STN1: variants seen among roughly 807,000 people sequenced by gnomAD.
STN1 encodes CST complex subunit STN1.
A neutral mutation model predicts 45.5 loss-of-function variants in STN1; 29 were observed. That is an observed-to-expected ratio of 0.64 (90% CI 0.47 to 0.87). The LOEUF is 0.87. Ranked by LOEUF, STN1 falls within the 40% of genes least tolerant of loss-of-function variation. The pLI is 0.00. For synonymous variants in STN1, 148 were observed against 159.0 expected, an observed-to-expected ratio of 0.93 and a Z score of 0.52; for missense variants, 376 against 441.4, an observed-to-expected ratio of 0.85 and a Z score of 1.33.
At chr10:103,893,205 G>C (rs779122089) in intron 7 of STN1, among the ~76,000 whole-genome samples, 4 of 151,638 alleles carry the variant, frequency 2.6e-5, no homozygotes, top group Non-Finnish European at 5.9e-5. Flanking sequence ...CAGAGTCTCT[G>C]TCGCCCAGGC....
chr10:103,897,829 T>C lies in STN1; in HGVS notation c.582-110A>G, dbSNP rs1324238395. The C allele has an allele frequency of 1.5e-5, 16 of 1,038,142 alleles. No homozygotes were observed. The East Asian group carries it at 2.7e-4, about 17-fold the overall frequency. 64.3% of individuals were successfully genotyped at this position (1,038,142 alleles called of 1,614,324 possible). A position where few individuals can be genotyped will look rare whatever the true frequency, so the allele number is the denominator to read the frequency against. On this transcript the variant is annotated intron_variant, in intron 6 of 9. Coordinates refer to ENST00000224950, the MANE Select transcript of STN1 (RefSeq NM_024928.5). ...GAAAATGCAACACTATATTGGAGTT[T>C]GTTTTTCATATACAGAGTAATATAT...
At position 103,910,565 on chromosome 10, in the gene STN1, A is replaced by G. The variant is rs752738158; in HGVS notation, c.191T>C (p.Ile64Thr). 3 of 1,611,378 alleles carry G rather than the reference A, an allele frequency of 1.9e-6. No homozygotes were observed. The highest frequency in any genetic ancestry group is 2.2e-5 in the East Asian group (1 of 44,864). The change falls in exon 3 of 10, where the codon ATT (isoleucine) becomes ACT (threonine). Residue 64 changes from isoleucine (I) to threonine (T), a missense_variant. Transcript: ENST00000224950. ...GAAAGCATCTCTTTCTCTCACTCCA[A>G]TGACAGTTCCCAAGACATCTACCTG... ...IKQVDVLGTV[I>T]GVRERDAFYS... is the part of the protein sequence containing the mutation.
At chr10:103,895,359 G>A (rs117658824) in intron 7 of STN1, among the ~76,000 whole-genome samples, 22 of 152,224 alleles carry the variant, frequency 1.4e-4, no homozygotes, top group Non-Finnish European at 2.6e-4. Flanking sequence ...TAGCTATCAC[G>A]GAAGAGCTGG....
chr10:103,883,704 G>C (rs1193796113), intron 9 of STN1, among the ~76,000 whole-genome samples: 1 of 118,554 alleles, frequency 8.4e-6, no homozygotes, highest in Non-Finnish European at 2.0e-5. Flanking sequence ...TGTATAGCCA[G>C]TCACCAATCA....
chr10:103,894,120 T>C (rs1271194830), intron 7 of STN1, among the ~76,000 whole-genome samples: 1 of 152,190 alleles, frequency 6.6e-6, no homozygotes, highest in East Asian at 1.9e-4. Context: ...GGATGCACCA[T>C]CAGTGCAACA....
rs1843066972 is a variant in STN1 at position 103,881,265 on chromosome 10, C to T, written c.*1419G>A. On this transcript the variant is annotated 3_prime_UTR_variant, in exon 10 of 10. Transcript: ENST00000224950. The stretch of plus-strand genomic sequence containing the variant: ...AGATAAACCCCTAAGAGCAGAGTTG[C>T]TATAGGCAAGGGTATGCCCTTTTTA... Among the ~76,000 whole-genome samples, 1 of 152,212 alleles carries T rather than the reference C, an allele frequency of 6.6e-6. No homozygotes were observed. Among genetic ancestry groups the T allele is most frequent in the Admixed American group, 6.5e-5 (1 of 15,278 alleles).
At chr10:103,899,090 C>G in intron 5 of STN1, 90 bp from the exon 6 acceptor site, 1 of 1,443,276 alleles carries the variant, frequency 6.9e-7, no homozygotes, top group East Asian at 2.4e-5. Flanking sequence ...GCTAAGACAA[C>G]AGTAAATGAG....
At chr10:103,892,332 G>T in intron 7 of STN1, 80 bp from the exon 8 acceptor site, 1 of 1,342,256 alleles carries the variant, frequency 7.5e-7, no homozygotes, top group South Asian at 1.5e-5. Context: ...AGACCAACTG[G>T]TTCATGAATT....
At chr10:103,914,366 ATATATATATT>A (rs1401991195) in intron 2 of STN1, among the ~76,000 whole-genome samples, 38 of 10,350 alleles carry the variant, frequency 3.7e-3, no homozygotes, top group East Asian at 5.6e-3. Flanking sequence ...ATATATATAT[ATATATATATT>A]TTTTTTTTTT....
At chr10:103,892,531 C>A (rs894420567) in intron 7 of STN1, among the ~76,000 whole-genome samples, 1 of 151,906 alleles carries the variant, frequency 6.6e-6, no homozygotes, top group African/African-American at 2.4e-5. Flanking sequence ...AAAAAAGCTA[C>A]CCTCACTGTT....
intron 8 of STN1, among the ~76,000 whole-genome samples, chr10:103,890,544 A>G (rs1247536490): frequency 6.6e-6 from 1 of 152,152 alleles, no homozygotes; most frequent in Non-Finnish European, 1.5e-5. Flanking sequence ...TGCTCTCTAA[A>G]GGCCTGGGAG....
chr10:103,882,304 A>AAAG lies in STN1; in HGVS notation c.*379_*380insCTT, dbSNP rs1430155378. Among the ~76,000 whole-genome samples the AAAG allele has an allele frequency of 1.3e-5, 2 of 152,250 alleles. No homozygotes were observed. The highest frequency in any genetic ancestry group is 4.8e-5 in the African/African-American group (2 of 41,468). On this transcript the variant is annotated 3_prime_UTR_variant, in exon 10 of 10. Coordinates refer to ENST00000224950, the MANE Select transcript of STN1 (RefSeq NM_024928.5). ...TGTGTGATCAGGCCATATGCCCCTCAGTTCCTGAATGTTCACTACCCTGTG... is the reference window on the plus strand; with the variant it reads ...TGTGTGATCAGGCCATATGCCCCTCAAAGGTTCCTGAATGTTCACTACCCTGTG...
intron 7 of STN1, among the ~76,000 whole-genome samples, chr10:103,897,166 A>C: frequency 6.6e-6 from 1 of 152,334 alleles, no homozygotes; most frequent in Middle Eastern, 3.4e-3. Context: ...ACACTTAAGT[A>C]ATTTTTTATT....
At chr10:103,904,998 T>A (rs1362266350) in intron 4 of STN1, 93 bp downstream of exon 4, 3 of 1,094,046 alleles carry the variant, frequency 2.7e-6, no homozygotes, top group Non-Finnish European at 4.2e-6. Context: ...CAGATAAATG[T>A]GAAAATTTAG....
intron 4 of STN1, among the ~76,000 whole-genome samples, chr10:103,902,870 T>C (rs1175303557): frequency 6.6e-6 from 1 of 152,230 alleles, no homozygotes; most frequent in East Asian, 1.9e-4. Context: ...TACTCTTACC[T>C]TCTCGTTATA....
In STN1 at chr10:103,880,531, TG is replaced by T. The variant is rs1353569064; in HGVS notation, c.*2152del. Among the ~76,000 whole-genome samples, 1 of 146,682 alleles carries T rather than the reference TG, an allele frequency of 6.8e-6. No individual in the cohort carries two copies. The highest frequency in any genetic ancestry group is 2.8e-5 in the African/African-American group (1 of 36,200). ...CTCATGTCACTATCAGGAGCAAGCC[TG>T]GGGTCAGGAGTAATTGGGAGCCTGG... On this transcript the variant is annotated 3_prime_UTR_variant, in exon 10 of 10. Coordinates refer to ENST00000224950, the MANE Select transcript of STN1 (RefSeq NM_024928.5).
At chr10:103,910,224 T>C (rs1480697932) in intron 3 of STN1, among the ~76,000 whole-genome samples, 1 of 152,208 alleles carries the variant, frequency 6.6e-6, no homozygotes, top group Admixed American at 6.5e-5. Flanking sequence ...AGATATACCC[T>C]TTGGCATCAG....
chr10:103,880,878 T>TGC lies in STN1; in HGVS notation c.*1805_*1806insGC, dbSNP rs1015600280. ...TCCAGGAGAAGGGAGTGGTCGACTG[T>TGC]GTGTGTGTATATATATATATATGTA... On this transcript the variant is annotated 3_prime_UTR_variant, in exon 10 of 10. Coordinates refer to ENST00000224950, the MANE Select transcript of STN1 (RefSeq NM_024928.5). Among the ~76,000 whole-genome samples the TGC allele has an allele frequency of 6.6e-6, 1 of 152,036 alleles. No homozygotes were observed. Among genetic ancestry groups the TGC allele is most frequent in the African/African-American group, 2.4e-5 (1 of 41,368 alleles).
chr10:103,892,842 C>T (rs190967499), intron 7 of STN1, among the ~76,000 whole-genome samples: 1 of 152,282 alleles, frequency 6.6e-6, no homozygotes, highest in East Asian at 1.9e-4. Flanking sequence ...GTCAGCTCTC[C>T]CCCTCACTTT....
Sources: allele counts gnomAD v4.1 joint callset (sites outside exome capture counted in the v4.1 genomes callset), GRCh38; gene constraint gnomAD v4.1.1; transcripts MANE v1.5; gene names NCBI Gene and HGNC (gene_info 2026-07-23, HGNC 2026-07-21).